SLC7A5: variants seen among roughly 807,000 people sequenced by gnomAD.
SLC7A5 encodes the protein solute carrier family 7 member 5, also known as large neutral amino acids transporter small subunit 1.
A neutral mutation model predicts 50.2 loss-of-function variants in SLC7A5; 23 were observed. The observed-to-expected ratio is 0.46, with a 90% CI of 0.33 to 0.65. The LOEUF is 0.65. Ranked by LOEUF, SLC7A5 falls within the 30% of genes least tolerant of loss-of-function variation. SLC7A5 has a pLI of 0.02. For missense variants in SLC7A5, 578 were observed against 684.4 expected (o/e 0.84, Z 1.73); for synonymous variants, 393 against 330.6 (o/e 1.19, Z -2.05).
At chr16:87,836,352 A>G in intron 8 of SLC7A5, 146 bp downstream of exon 8, 1 of 870,238 alleles carries the variant, frequency 1.1e-6, no homozygotes, top group Non-Finnish European at 1.8e-6. Flanking sequence ...TCAAGTCATC[A>G]CCGGAATTAG....
At chr16:87,844,544 C>T (rs897274332) in intron 2 of SLC7A5, among the ~76,000 whole-genome samples, 4 of 152,214 alleles carry the variant, frequency 2.6e-5, no homozygotes, top group Admixed American at 6.5e-5. Flanking sequence ...ACGGGATCTT[C>T]CCCCTCCTCT....
chr16:87,836,354 C>T lies in SLC7A5; in HGVS notation c.1290+144G>A, dbSNP rs753993281. 18 of 894,942 alleles carry T rather than the reference C, an allele frequency of 2.0e-5. 1 individual carries two copies. Among genetic ancestry groups the T allele is most frequent in the South Asian group, 7.6e-5 (5 of 66,158 alleles). The allele number at this position is 894,942 out of a possible 1,614,324, so 55.4% of individuals were successfully genotyped here. A position where few individuals can be genotyped will look rare whatever the true frequency, so the allele number is the denominator to read the frequency against. ...TCGTAGCTGGTGGTCAAGTCATCAC[C>T]GGAATTAGTCGACCCAGGTGCATGC... On this transcript the variant is annotated intron_variant, in intron 8 of 9. Transcript: ENST00000261622.
In SLC7A5 at chr16:87,837,921, C is replaced by T. The variant is rs1316458794; in HGVS notation, c.1064G>A (p.Arg355Gln). The T allele has an allele frequency of 5.6e-6, 9 of 1,605,678 alleles. No homozygotes were observed. The highest frequency in any genetic ancestry group is 5.3e-5 in the African/African-American group (4 of 74,892). Residue 355 changes from arginine (R) to glutamine (Q), a missense_variant, in exon 7 of 10, where the codon CGG becomes CAG. By Grantham distance (43) the Arg-to-Gln change is conservative. Around this residue, in one of 2 missense-constraint regions of SLC7A5, gnomAD observed 465 missense variants for 594.6 expected, o/e 0.78. Transcript: ENST00000261622. ...TSSRLFFVGS[R>Q]EGHLPSILSM... ...GAGGATGGAGGGCAGGTGGCCTTCC[C>T]GGGACCCCACGAAGAAGAGCCTGTG...
At chr16:87,847,471 C>T (rs1053502942) in intron 2 of SLC7A5, among the ~76,000 whole-genome samples, 1 of 152,184 alleles carries the variant, frequency 6.6e-6, no homozygotes, top group African/African-American at 2.4e-5. Context: ...GCTCAGGGGG[C>T]TGCCTTCAAG....
chr16:87,869,228 G>A lies in SLC7A5; in HGVS notation c.195C>T (p.Gly65=), dbSNP rs1416239625. 1.2e-6 allele frequency: 2 copies of A among 1,612,818 alleles called. No individual in the cohort carries two copies. Among genetic ancestry groups the A allele is most frequent in the Non-Finnish European group, 1.7e-6 (2 of 1,179,872 alleles). ...CCGTGGGCGTCACGAAGATGCCCGA[G>A]CCGATAATGGTCCCCACGATGATGG... ...GVAIIVGTII[G]SGIFVTPTGV... Residue 65 remains glycine (G), a synonymous_variant, in exon 1 of 10, where the codon GGC becomes GGT. Coordinates refer to ENST00000261622, the MANE Select transcript of SLC7A5 (RefSeq NM_003486.7).
rs1567488634 is a variant in SLC7A5, at chr16:87,837,865, CG to C, written c.1119del (p.Val374CysfsTer9). 1.2e-6 allele frequency: 2 copies of C among 1,606,910 alleles called. No individual in the cohort carries two copies. Among genetic ancestry groups the C allele is most frequent in the East Asian group, 2.2e-5 (1 of 44,650 alleles). ...LSMIHPQLLT[P>X]VPSLVFTCVM... The stretch of plus-strand genomic sequence containing the variant: ...CTTACCGTGAACACGAGGGACGGCA[CG>C]GGGGTGAGGAGCTGTGGGTGGATCA... On this transcript the variant is annotated frameshift_variant, in exon 7 of 10. Coordinates refer to ENST00000261622, the MANE Select transcript of SLC7A5 (RefSeq NM_003486.7). LOFTEE classifies it high-confidence loss of function.
Position 87,869,375 on chromosome 16 carries a change from G to C in SLC7A5, c.48C>G (p.Ala16=). The stretch of plus-strand genomic sequence containing the variant: ...TCTCCCGCGCCTCTTCCTTCTCCTC[G>C]GCCGCCGGCGCCGCTAGCGCGCGCC... The part of the protein sequence containing the change: ...PKRRALAAPA[A]EEKEEAREKM... Residue 16 remains alanine, a synonymous_variant, in exon 1 of 10, where the codon GCC becomes GCG. Transcript: ENST00000261622. The C allele has an allele frequency of 1.9e-6, 3 of 1,599,622 alleles. No homozygotes were observed. Among genetic ancestry groups the C allele is most frequent in the Middle Eastern group, 2.3e-4 (1 of 4,408 alleles).
chr16:87,839,400 T>G (rs959054975), intron 5 of SLC7A5, among the ~76,000 whole-genome samples: 2 of 152,224 alleles, frequency 1.3e-5, no homozygotes, highest in African/African-American at 4.8e-5. Context: ...ACCTCTGCCC[T>G]GGACTCCCCA....
At position 87,863,986 on chromosome 16, in the gene SLC7A5, A is replaced by AATACATATATATAT. The variant is rs1555516644; in HGVS notation, c.538+4898_538+4899insATATATATATGTAT. Among the ~76,000 whole-genome samples, 8 of 83,278 alleles carry AATACATATATATAT rather than the reference A, an allele frequency of 9.6e-5. No individual in the cohort carries two copies. The East Asian group carries it at 2.3e-3, about 24-fold the overall frequency. The allele number at this position is 83,278 out of a possible 152,430, so 54.6% of individuals were successfully genotyped here. A position where few individuals can be genotyped will look rare whatever the true frequency, so the allele number is the denominator to read the frequency against. ...CCAACCTTATGTGTGATCATTTAAA[A>AATACATATATATAT]ATATATATATATATATATATATCAG... is the stretch of plus-strand genomic sequence containing the variant. On this transcript the variant is annotated intron_variant, in intron 1 of 9. Transcript: ENST00000261622.
At chr16:87,864,674 T>A (rs900452021) in intron 1 of SLC7A5, among the ~76,000 whole-genome samples, 4 of 152,204 alleles carry the variant, frequency 2.6e-5, no homozygotes, top group Non-Finnish European at 5.9e-5. Flanking sequence ...CAGCTGAGGG[T>A]CCCAGCCGCT....
rs79852841 is a variant in SLC7A5, at chr16:87,833,644, G to A, written c.1469-619C>T. On this transcript the variant is annotated intron_variant, in intron 9 of 9. Transcript: ENST00000261622. The surrounding 1 kb of genome is among the most constrained non-coding windows in gnomAD (Gnocchi z 6.0). ...GTGATCAGAGTGTGGGGTAGGGGTG[G>A]GGGGTCTCCCTGCCTGTGTTGCTGC... 5.6e-5 allele frequency among the ~76,000 whole-genome samples: 7 copies of A among 123,974 alleles called. No homozygotes were observed. In the South Asian group the frequency reaches 1.5e-3, roughly 26 times the overall value. 81.3% of individuals were successfully genotyped at this position (123,974 alleles called of 152,430 possible).
At chr16:87,838,291 C>CT (rs58144270) in intron 6 of SLC7A5, among the ~76,000 whole-genome samples, 13,470 of 119,706 alleles carry the variant, frequency 0.11, 1,624 homozygotes, top group African/African-American at 0.28. Context: ...TTGCTGCTGC[C>CT]TTTTTTTTTT....
chr16:87,860,772 G>A lies in SLC7A5; in HGVS notation c.538+8113C>T, dbSNP rs1325568972. Among the ~76,000 whole-genome samples the A allele has an allele frequency of 1.3e-5, 2 of 152,196 alleles. No homozygotes were observed. The highest frequency in any genetic ancestry group is 2.9e-5 in the Non-Finnish European group (2 of 68,034). On this transcript the variant is annotated intron_variant, in intron 1 of 9. Transcript: ENST00000261622. The surrounding 1 kb of genome is among the most constrained non-coding windows in gnomAD (Gnocchi z 4.8). ...CAGGGATCGAGTTTGCGGGCGTCACGCTCCAAGGCCCAGAATAGGAGGTCG... is the reference window on the plus strand; with the variant it reads ...CAGGGATCGAGTTTGCGGGCGTCACACTCCAAGGCCCAGAATAGGAGGTCG...
Position 87,869,464 on chromosome 16 carries a change from GC to G in SLC7A5, c.-43del. On this transcript the variant is annotated 5_prime_UTR_variant, in exon 1 of 10. Coordinates refer to ENST00000261622, the MANE Select transcript of SLC7A5 (RefSeq NM_003486.7). ...GGGCCTGGGACACCCGGGAGCCGCG[GC>G]CCAGCGAGCAGTGTGCGCGCCGCCC... The G allele has an allele frequency of 7.7e-7, 1 of 1,302,438 alleles. No homozygotes were observed. Among genetic ancestry groups the G allele is most frequent in the Non-Finnish European group, 9.7e-7 (1 of 1,031,602 alleles). 80.7% of individuals were successfully genotyped at this position (1,302,438 alleles called of 1,614,324 possible). A position where few individuals can be genotyped will look rare whatever the true frequency, so the allele number is the denominator to read the frequency against.
intron 1 of SLC7A5, among the ~76,000 whole-genome samples, chr16:87,864,007 A>ATATATATATATC (rs1267621515): frequency 9.1e-5 from 13 of 143,090 alleles, no homozygotes; most frequent in African/African-American, 3.0e-4. Context: ...ATATATATAT[A>ATATATATATATC]TCAGCCGAGT....
In SLC7A5 at chr16:87,852,871, G is replaced by A. The variant is rs138974450; in HGVS notation, c.539-1022C>T. Among the ~76,000 whole-genome samples the A allele has an allele frequency of 8.5e-5, 13 of 152,144 alleles. No individual in the cohort carries two copies. Among genetic ancestry groups the A allele is most frequent in the African/African-American group, 3.1e-4 (13 of 41,498 alleles). On this transcript the variant is annotated intron_variant, in intron 1 of 9. Transcript: ENST00000261622. The surrounding 1 kb of genome is among the most constrained non-coding windows in gnomAD (Gnocchi z 4.5). ...TGAAGTAAAATCATATTAATCCCGA[G>A]GCACTGACTCCACGACACCCCTCAC...
At chr16:87,837,682 C>A in intron 7 of SLC7A5, 163 bp downstream of exon 7, 1 of 607,170 alleles carries the variant, frequency 1.6e-6, no homozygotes, top group Non-Finnish European at 2.9e-6. Flanking sequence ...ATCTAAAGCC[C>A]CTCCAGCGCT....
intron 1 of SLC7A5, among the ~76,000 whole-genome samples, chr16:87,864,086 G>C (rs2055432377): frequency 1.3e-5 from 2 of 148,352 alleles, no homozygotes; most frequent in African/African-American, 4.9e-5. Flanking sequence ...GAGGTCAGGA[G>C]TTCGAGACCA....
intron 1 of SLC7A5, among the ~76,000 whole-genome samples, chr16:87,866,866 T>A (rs1406202639): frequency 3.3e-5 from 5 of 152,054 alleles, no homozygotes; most frequent in Non-Finnish European, 7.4e-5. Flanking sequence ...TCCTTCCTGG[T>A]GGCCAATGAA....
Sources: allele counts gnomAD v4.1 joint callset (sites outside exome capture counted in the v4.1 genomes callset), GRCh38; gene constraint gnomAD v4.1.1; regional missense constraint gnomAD v4.1.1; non-coding constraint Gnocchi (gnomAD v3.1); transcripts MANE v1.5; gene names NCBI Gene and HGNC (gene_info 2026-07-23, HGNC 2026-07-21).